TSNARE1: variants seen among roughly 807,000 people sequenced by gnomAD.
TSNARE1 encodes t-SNARE domain containing 1, also known as t-SNARE domain-containing protein 1.
TSNARE1 carries 49 observed loss-of-function variants against 62.0 expected under a neutral mutation model. That is an observed-to-expected ratio of 0.79 (90% confidence interval 0.63 to 1.00). TSNARE1 has a LOEUF of 1.00. Among genes scored for constraint, TSNARE1 ranks in the 50% least tolerant of loss-of-function variants. The probability of loss-of-function intolerance (pLI) is 0.00; values close to 1 mark genes in which losing one functional copy is unlikely to be tolerated. For synonymous variants in TSNARE1, 328 were observed against 294.4 expected (o/e 1.11, Z -1.17); for missense variants, 755 against 700.1 (o/e 1.08, Z -0.88).
intron 12 of TSNARE1, among the ~76,000 whole-genome samples, chr8:142,261,708 G>A (rs965966213): frequency 3.3e-5 from 5 of 152,108 alleles, no homozygotes; most frequent in Admixed American, 6.5e-5. Context: ...TAACGATTGC[G>A]TTTTCCCGGC....
At chr8:142,248,607 T>C (rs1818005625) in intron 12 of TSNARE1, among the ~76,000 whole-genome samples, 1 of 152,198 alleles carries the variant, frequency 6.6e-6, no homozygotes, top group African/African-American at 2.4e-5. Context: ...GCAGATGGTC[T>C]GGAAACTGGG....
At chr8:142,392,276 C>G (rs917501568) in intron 1 of TSNARE1, among the ~76,000 whole-genome samples, 3 of 152,158 alleles carry the variant, frequency 2.0e-5, no homozygotes, top group African/African-American at 7.2e-5. Context: ...CCCACCTCGG[C>G]CTCCCAAAGT....
chr8:142,299,657 T>C (rs1802514563), intron 10 of TSNARE1, among the ~76,000 whole-genome samples: 1 of 150,502 alleles, frequency 6.6e-6, no homozygotes. Context: ...GCACGCATAC[T>C]TGCATGCACA....
intron 2 of TSNARE1, among the ~76,000 whole-genome samples, chr8:142,347,261 G>C (rs578225774): frequency 5.8e-4 from 89 of 152,380 alleles, no homozygotes; most frequent in Non-Finnish European, 8.5e-4. Flanking sequence ...AGAGGGAGCA[G>C]CCGCAGCCTG....
chr8:142,320,331 C>A (rs1349152246), intron 6 of TSNARE1, among the ~76,000 whole-genome samples: 1 of 152,150 alleles, frequency 6.6e-6, no homozygotes, highest in Non-Finnish European at 1.5e-5. Context: ...TGCAACTTCA[C>A]CTCCCCACAC....
At chr8:142,255,479 T>C (rs1390427258) in intron 12 of TSNARE1, among the ~76,000 whole-genome samples, 2,051 of 21,998 alleles carry the variant, frequency 0.093, 529 homozygotes, top group Middle Eastern at 0.17. Context: ...ACCACCACCA[T>C]CACCATCATC....
intron 3 of TSNARE1, 95 bp from the exon 4 acceptor site, chr8:142,344,567 C>T (rs956869056): frequency 2.3e-6 from 3 of 1,311,740 alleles, no homozygotes; most frequent in Admixed American, 3.2e-5. Context: ...TCTCTGGTTT[C>T]TGCTTCAGGA....
chr8:142,239,768 G>A (rs1276071026), intron 12 of TSNARE1, among the ~76,000 whole-genome samples: 2 of 152,206 alleles, frequency 1.3e-5, no homozygotes, highest in African/African-American at 2.4e-5. Flanking sequence ...GTGTGTGGGA[G>A]AGAATGTCGG....
At chr8:142,330,175 T>A (rs1445335966) in intron 6 of TSNARE1, among the ~76,000 whole-genome samples, 1 of 152,114 alleles carries the variant, frequency 6.6e-6, no homozygotes, top group African/African-American at 2.4e-5. Context: ...GCACAGGAGG[T>A]CACAGCAGCA....
intron 13 of TSNARE1, among the ~76,000 whole-genome samples, chr8:142,226,337 G>A (rs904798262): frequency 1.3e-5 from 2 of 152,164 alleles, no homozygotes; most frequent in Non-Finnish European, 2.9e-5. Flanking sequence ...TGCAGCCTGC[G>A]TCACAGAGGC....
chr8:142,260,480 C>T (rs1400205369), intron 12 of TSNARE1, among the ~76,000 whole-genome samples: 7 of 152,280 alleles, frequency 4.6e-5, no homozygotes, highest in East Asian at 1.9e-4. Flanking sequence ...CCGGGGCCCA[C>T]GGCCAGGGAG....
At chr8:142,373,844 C>T (rs1028127684) in intron 1 of TSNARE1, among the ~76,000 whole-genome samples, 7 of 152,018 alleles carry the variant, frequency 4.6e-5, no homozygotes, top group Admixed American at 3.9e-4. Context: ...AGCGGGGAAG[C>T]GGGGAGAGGG....
rs369211750 is a variant in TSNARE1, at chr8:142,277,727, C to A, written c.1364-2864G>T. On this transcript the variant is annotated intron_variant, in intron 11 of 13. Transcript: ENST00000524325. The stretch of plus-strand genomic sequence containing the variant: ...ACTCCCGTGCTGCAGGGGAGCCCAG[C>A]GGCCTGGGGACCTGGAGTGGCTGAT... The A allele has an allele frequency of 7.1e-5, 70 of 985,448 alleles. No individual in the cohort carries two copies. In the East Asian group the frequency reaches 1.0e-3, roughly 14 times the overall value. 61.0% of individuals were successfully genotyped at this position (985,448 alleles called of 1,614,324 possible). A position where few individuals can be genotyped will look rare whatever the true frequency, so the allele number is the denominator to read the frequency against.
chr8:142,273,963 C>A (rs1183066107), intron 12 of TSNARE1: 2 of 985,158 alleles, frequency 2.0e-6, no homozygotes, highest in African/African-American at 1.7e-5. Context: ...ACCCACTGCA[C>A]CATCTCGTCT....
At chr8:142,255,542 TCAC>T (rs1818409189) in intron 12 of TSNARE1, among the ~76,000 whole-genome samples, 1 of 29,916 alleles carries the variant, frequency 3.3e-5, no homozygotes, top group Non-Finnish European at 6.4e-5. Flanking sequence ...ACCATCACCA[TCAC>T]CACCACCATC....
At chr8:142,298,885 T>C (rs1449936539) in intron 10 of TSNARE1, among the ~76,000 whole-genome samples, 1 of 152,138 alleles carries the variant, frequency 6.6e-6, no homozygotes, top group Non-Finnish European at 1.5e-5. Flanking sequence ...GAGCACCCGT[T>C]TCTCCACTCC....
intron 10 of TSNARE1, among the ~76,000 whole-genome samples, chr8:142,298,915 G>A (rs1187010601): frequency 6.6e-6 from 1 of 152,182 alleles, no homozygotes; most frequent in Non-Finnish European, 1.5e-5. Flanking sequence ...AGTGGGCCTC[G>A]TGCACCAGCA....
At chr8:142,289,967 C>G (rs1823482443) in intron 10 of TSNARE1, among the ~76,000 whole-genome samples, 1 of 152,206 alleles carries the variant, frequency 6.6e-6, no homozygotes, top group Non-Finnish European at 1.5e-5. Flanking sequence ...AGAAGAGGGC[C>G]TCTCAGGCAG....
rs560213649 is a variant in TSNARE1, at chr8:142,373,698, C to A, written c.-39-18935G>T. The stretch of plus-strand genomic sequence containing the variant: ...GAAAGTGAGTCAGGCAAGGAAGGGC[C>A]GAGCACAGAAAACCACCAGAGACCT... On this transcript the variant is annotated intron_variant, in intron 1 of 13. Transcript: ENST00000524325. Among the ~76,000 whole-genome samples the A allele has an allele frequency of 6.0e-5, 9 of 151,050 alleles. No homozygotes were observed. The South Asian group carries it at 1.9e-3, about 32-fold the overall frequency.
Sources: gnomAD v4.1 joint callset for allele counts (sites outside exome capture counted in the v4.1 genomes callset) on GRCh38, gnomAD v4.1.1 for gene constraint, MANE v1.5 for transcripts, NCBI Gene and HGNC (gene_info 2026-07-23, HGNC 2026-07-21) for gene names.